Variants in VPS13A observed in about 807,000 individuals in gnomAD.
The protein encoded by VPS13A is vacuolar protein sorting 13 homolog A, also known as intermembrane lipid transfer protein VPS13A.
A neutral mutation model predicts 390.9 loss-of-function variants in VPS13A; 264 were observed. The observed-to-expected ratio is 0.68, with a 90% CI of 0.61 to 0.75. VPS13A has a LOEUF of 0.75. VPS13A is among the 30% of genes least tolerant of loss of function. VPS13A has a pLI of 0.00. For missense variants in VPS13A, 3,409 were observed against 3,733.9 expected (o/e 0.91, Z 2.27); for synonymous variants, 1,231 against 1,227.1 (o/e 1.00, Z -0.07).
At chr9:77,412,259 C>T (rs1834971609) in intron 71 of VPS13A, among the ~76,000 whole-genome samples, 1 of 152,180 alleles carries the variant, frequency 6.6e-6, no homozygotes, top group South Asian at 2.1e-4. Context: ...CCAGCATCAT[C>T]CTGATACCAA....
chr9:77,403,157 A>G, intron 68 of VPS13A, 79 bp from the exon 69 acceptor site: 1 of 969,590 alleles, frequency 1.0e-6, no homozygotes, highest in Non-Finnish European at 1.6e-6. Context: ...AATGGTTTTT[A>G]GAGGACTATA....
intron 50 of VPS13A, among the ~76,000 whole-genome samples, chr9:77,343,757 A>G (rs1830975408): frequency 6.6e-6 from 1 of 152,304 alleles, no homozygotes; most frequent in African/African-American, 2.4e-5. Context: ...TAATTTCCAG[A>G]TAATGTTCAT....
chr9:77,275,928 G>A (rs1182547169), intron 25 of VPS13A, 137 bp from the exon 26 acceptor site: 3 of 917,982 alleles, frequency 3.3e-6, no homozygotes, highest in African/African-American at 1.7e-5. Flanking sequence ...TGTCTGTGTG[G>A]GTATAAAATC....
At position 77,209,517 on chromosome 9, in the gene VPS13A, TC is replaced by T; in HGVS notation, c.481del (p.Arg161ValfsTer22). 6.3e-7 allele frequency: 1 copy of T among 1,586,918 alleles called. No homozygotes were observed. ...LQVKISSIHI[R>X]YEDDITNRDK... is the part of the protein sequence containing the mutation. The stretch of plus-strand genomic sequence containing the variant: ...AGGTGAAAATTTCCAGTATCCATAT[TC>T]GTTATGAAGATGATGTAAGTATTTT... On this transcript the variant is annotated frameshift_variant, in exon 6 of 72. Transcript: ENST00000360280. LOFTEE classifies it high-confidence loss of function.
chr9:77,325,908 C>A (rs1460876887), intron 45 of VPS13A, among the ~76,000 whole-genome samples: 1 of 152,118 alleles, frequency 6.6e-6, no homozygotes, highest in Non-Finnish European at 1.5e-5. Flanking sequence ...AAAATACAAA[C>A]TGTATTTGAT....
intron 38 of VPS13A, 123 bp downstream of exon 38, chr9:77,315,593 G>T (rs2131430926): frequency 9.9e-7 from 1 of 1,010,682 alleles, no homozygotes; most frequent in South Asian, 1.5e-5. Flanking sequence ...TTATTTTTCA[G>T]AGTAGAAGGA....
chr9:77,385,208 G>A (rs894165218), intron 68 of VPS13A: 3 of 891,016 alleles, frequency 3.4e-6, no homozygotes, highest in Non-Finnish European at 4.0e-6. Flanking sequence ...TGAATTTGTT[G>A]TTCTATCCCC....
chr9:77,177,875 C>T (rs567607848), intron 1 of VPS13A, 71 bp downstream of exon 1: 112 of 1,422,094 alleles, frequency 7.9e-5, no homozygotes, highest in Non-Finnish European at 1.1e-4. Context: ...GAGCGGCGTC[C>T]TGCGTTCTCG....
chr9:77,201,392 A>C lies in VPS13A; in HGVS notation c.172A>C (p.Lys58Gln), dbSNP rs201490407. ...TCAACTGGATGTACCATTTAAAGTT[A>C]AAGTTGGTCACATAGGTAAGCCATA... ...LSQLDVPFKV[K>Q]VGHIGNLKLI... is the part of the protein sequence containing the mutation. Residue 58 changes from lysine to glutamine, a missense_variant, in exon 3 of 72, where the codon AAA (lysine) becomes CAA (glutamine). Coordinates refer to ENST00000360280, the MANE Select transcript of VPS13A (RefSeq NM_033305.3). 12 of 1,610,456 alleles carry C rather than the reference A, an allele frequency of 7.5e-6. 1 individual carries two copies. The highest frequency in any genetic ancestry group is 1.7e-4 in the Middle Eastern group (1 of 6,048).
In VPS13A at chr9:77,353,575, A is replaced by C; in HGVS notation, c.7586A>C (p.Gln2529Pro). ...GAGCAAGAAATTGCAGTGGCATTAC[A>C]AGATGTTGGAATTTCTCTTGTCAAC... ...LAEQEIAVAL[Q>P]DVGISLVNNY... The change falls in exon 54 of 72, where the codon CAA becomes CCA. Residue 2529 changes from glutamine (Q) to proline (P), a missense_variant. Transcript: ENST00000360280. 1.2e-6 allele frequency: 2 copies of C among 1,613,568 alleles called. No individual in the cohort carries two copies. The highest frequency in any genetic ancestry group is 8.5e-7 in the Non-Finnish European group (1 of 1,179,632).
chr9:77,277,584 C>T (rs1166490329), intron 26 of VPS13A, among the ~76,000 whole-genome samples: 2 of 152,098 alleles, frequency 1.3e-5, no homozygotes, highest in African/African-American at 4.8e-5. Flanking sequence ...CCTATTTGTC[C>T]CTCCCTCCCA....
intron 59 of VPS13A, 61 bp downstream of exon 59, chr9:77,360,702 T>TTA: frequency 2.3e-6 from 3 of 1,292,762 alleles, no homozygotes; most frequent in Non-Finnish European, 3.3e-6. Flanking sequence ...TATTATAAAT[T>TTA]TTTAAAGGTA....
At chr9:77,386,200 TC>T (rs1487420506) in intron 68 of VPS13A, among the ~76,000 whole-genome samples, 1 of 152,208 alleles carries the variant, frequency 6.6e-6, no homozygotes, top group African/African-American at 2.4e-5. Context: ...GTGCACCCAC[TC>T]CTCTCTCACC....
intron 1 of VPS13A, among the ~76,000 whole-genome samples, chr9:77,179,687 G>GTTT (rs142930729): frequency 1.5e-5 from 2 of 130,900 alleles, no homozygotes; most frequent in Non-Finnish European, 3.3e-5. Flanking sequence ...TGGGTTGTAC[G>GTTT]TTTTTTTTTT....
chr9:77,417,516 A>G lies in VPS13A; in HGVS notation c.*1510A>G, dbSNP rs1216919075. On this transcript the variant is annotated 3_prime_UTR_variant, in exon 72 of 72. Coordinates refer to ENST00000360280, the MANE Select transcript of VPS13A (RefSeq NM_033305.3). Reference sequence around the variant, plus strand: ...CAAACCACAAGTTTAAAATCACATGAAAGTGTGTTTCCATGTTGACCTTTG... The same window carrying G: ...CAAACCACAAGTTTAAAATCACATGGAAGTGTGTTTCCATGTTGACCTTTG... 6.6e-6 allele frequency: 1 copy of G among 152,030 alleles called. No individual in the cohort carries two copies. Among genetic ancestry groups the G allele is most frequent in the Non-Finnish European group, 1.5e-5 (1 of 68,006 alleles). 9.4% of individuals were successfully genotyped at this position (152,030 alleles called of 1,614,324 possible).
rs370488947 is a variant in VPS13A at position 77,370,401 on chromosome 9, A to T, written c.8744-14A>T. Reference sequence around the variant, plus strand: ...AATGGCATCATTACTTTTACTAAAGATAATTTCTGTCAGGTGGATTGGCTG... The same window carrying T: ...AATGGCATCATTACTTTTACTAAAGTTAATTTCTGTCAGGTGGATTGGCTG... On this transcript the variant is annotated splice_polypyrimidine_tract_variant and intron_variant, in intron 64 of 71. Transcript: ENST00000360280. The T allele has an allele frequency of 6.2e-7, 1 of 1,614,176 alleles. No individual in the cohort carries two copies. The highest frequency in any genetic ancestry group is 8.5e-7 in the Non-Finnish European group (1 of 1,180,030).
intron 9 of VPS13A, among the ~76,000 whole-genome samples, chr9:77,213,930 T>C (rs1826112555): frequency 6.6e-6 from 1 of 152,172 alleles, no homozygotes; most frequent in African/African-American, 2.4e-5. Context: ...TAAAATTGCT[T>C]TTAAACATTT....
Position 77,190,321 on chromosome 9 carries a change from C to T in VPS13A, c.101-9624C>T, listed in dbSNP as rs190100368. On this transcript the variant is annotated intron_variant, in intron 1 of 71. Transcript: ENST00000360280. ...AACATGAAGGGATGTTGAATTTTATCAAAAGTCCTGAATCTGAAAAGATGA... is the reference window on the plus strand; with the variant it reads ...AACATGAAGGGATGTTGAATTTTATTAAAAGTCCTGAATCTGAAAAGATGA... Among the ~76,000 whole-genome samples, 48 of 152,136 alleles carry T rather than the reference C, an allele frequency of 3.2e-4. No individual in the cohort carries two copies. In the East Asian group the frequency reaches 9.1e-3, roughly 29 times the overall value.
intron 56 of VPS13A, 49 bp from the exon 57 acceptor site, chr9:77,358,308 G>C (rs1438498608): frequency 7.0e-7 from 1 of 1,434,896 alleles, no homozygotes; most frequent in East Asian, 2.3e-5. Flanking sequence ...ATTCTGGTCA[G>C]GTTGTATAAT....
Sources: gnomAD v4.1 joint callset for allele counts (sites outside exome capture counted in the v4.1 genomes callset) on GRCh38, gnomAD v4.1.1 for gene constraint, MANE v1.5 for transcripts, NCBI Gene and HGNC (gene_info 2026-07-23, HGNC 2026-07-21) for gene names.